Variants in POU6F2 observed in about 807,000 individuals in gnomAD.
The protein encoded by POU6F2 is POU class 6 homeobox 2.
Under a neutral mutation model 71.3 loss-of-function variants are expected in POU6F2, and 31 were observed. The observed-to-expected ratio is 0.43, with a 90% CI of 0.33 to 0.59. POU6F2 has a LOEUF of 0.59. Among genes scored for constraint, POU6F2 ranks in the 20% least tolerant of loss-of-function variants. The pLI is 0.04. For missense variants in POU6F2, 783 were observed against 856.8 expected (o/e 0.91, Z 1.07); for synonymous variants, 347 against 355.7 (o/e 0.98, Z 0.27).
chr7:39,064,496 A>G (rs1394836195), intron 1 of POU6F2, among the ~76,000 whole-genome samples: 3 of 151,894 alleles, frequency 2.0e-5, no homozygotes, highest in Non-Finnish European at 4.4e-5. Flanking sequence ...TGAGACGCAT[A>G]AAGAAACAAA....
chr7:39,400,897 C>T (rs1462760970), intron 5 of POU6F2, among the ~76,000 whole-genome samples: 1 of 152,140 alleles, frequency 6.6e-6, no homozygotes, highest in African/African-American at 2.4e-5. Context: ...CCTTGTCATA[C>T]AGCCATGAAA....
intron 7 of POU6F2, among the ~76,000 whole-genome samples, chr7:39,433,682 G>T (rs2116034335): frequency 6.6e-6 from 1 of 152,328 alleles, no homozygotes. Flanking sequence ...AGGTGCTGCT[G>T]CTGAAACCAC....
intron 4 of POU6F2, among the ~76,000 whole-genome samples, chr7:39,211,627 C>G (rs1054453351): frequency 9.9e-5 from 15 of 152,174 alleles, no homozygotes; most frequent in African/African-American, 3.6e-4. Context: ...GTGATGAGTT[C>G]TTATTGTAAG....
Position 38,998,341 on chromosome 7 carries a change from A to G in POU6F2, c.105+20283A>G, listed in dbSNP as rs367700029. ...GGTACATTCTAGTTTCAGCTGTCCT[A>G]TGCGATTAAAGTGTACTTGAGTGAA... On this transcript the variant is annotated intron_variant, in intron 1 of 9. Transcript: ENST00000518318. 2.4e-4 allele frequency among the ~76,000 whole-genome samples: 37 copies of G among 152,294 alleles called. No homozygotes were observed. The East Asian group carries it at 3.9e-3, about 16-fold the overall frequency.
chr7:39,243,320 T>C (rs906277459), intron 4 of POU6F2, among the ~76,000 whole-genome samples: 4 of 152,108 alleles, frequency 2.6e-5, no homozygotes, highest in African/African-American at 9.7e-5. Context: ...CAAGGACCAC[T>C]AAATACAGGC....
chr7:39,332,564 G>A (rs1785677522), intron 4 of POU6F2, among the ~76,000 whole-genome samples: 1 of 152,196 alleles, frequency 6.6e-6, no homozygotes, highest in African/African-American at 2.4e-5. Context: ...AGTTGAGTTA[G>A]CAATAGAATT....
chr7:39,206,987 C>G (rs1794025746), intron 3 of POU6F2, among the ~76,000 whole-genome samples: 1 of 152,092 alleles, frequency 6.6e-6, no homozygotes, highest in African/African-American at 2.4e-5. Flanking sequence ...ATTTAAAAGT[C>G]AAAAGTAGTA....
rs750015951 is a variant in POU6F2 at position 39,086,004 on chromosome 7, A to C, written c.250A>C (p.Ser84Arg). The change falls in exon 2 of 10, where the codon AGC becomes CGC. Residue 84 changes from serine (S) to arginine (R), a missense_variant. By Grantham distance (110) the Ser-to-Arg change is moderately radical. Around this residue, in one of 2 missense-constraint regions of POU6F2, gnomAD observed 572 missense variants for 572.9 expected, o/e 1.00. Coordinates refer to ENST00000518318, the MANE Select transcript of POU6F2 (RefSeq NM_001370959.1). ...PLLAPVESND[S>R]EDTPSKLFGA... ...GCTTGCGCCTGTGGAATCAAATGAC[A>C]GCGAGGACACTCCCAGCAAGCTCTT... The C allele has an allele frequency of 2.5e-6, 4 of 1,613,740 alleles. No individual in the cohort carries two copies. Among genetic ancestry groups the C allele is most frequent in the South Asian group, 1.1e-5 (1 of 91,072 alleles).
intron 7 of POU6F2, among the ~76,000 whole-genome samples, chr7:39,434,038 AGACTGTCCTGT>A (rs1788171498): frequency 6.6e-6 from 1 of 152,230 alleles, no homozygotes; most frequent in African/African-American, 2.4e-5. Context: ...AGTAGAGCAG[AGACTGTCCTGT>A]GACAGGGCAG....
intron 6 of POU6F2, among the ~76,000 whole-genome samples, chr7:39,414,259 G>T (rs1247886883): frequency 6.6e-6 from 1 of 152,170 alleles, no homozygotes; most frequent in Non-Finnish European, 1.5e-5. Context: ...TTGCAACCGG[G>T]GCTTCGCGGT....
chr7:39,085,148 C>G (rs1026483785), intron 1 of POU6F2: 1 of 151,924 alleles, frequency 6.6e-6, no homozygotes, highest in Non-Finnish European at 1.5e-5. Context: ...TTTCCCAATT[C>G]CTTAAAAAAA....
intron 1 of POU6F2, among the ~76,000 whole-genome samples, chr7:38,992,415 T>G (rs1788628799): frequency 6.6e-6 from 1 of 152,220 alleles, no homozygotes; most frequent in Admixed American, 6.5e-5. Context: ...CACGTTTAAT[T>G]TAAGCAGCCA....
chr7:39,268,935 C>T (rs141709585), intron 4 of POU6F2, among the ~76,000 whole-genome samples: 1 of 152,120 alleles, frequency 6.6e-6, no homozygotes, highest in South Asian at 2.1e-4. Flanking sequence ...CTCCTGGATC[C>T]CTCTGATTAA....
At position 39,433,282 on chromosome 7, in the gene POU6F2, A is replaced by C. The variant is rs1788155108; in HGVS notation, c.1319A>C (p.Gln440Pro). Residue 440 changes from glutamine (Q) to proline (P), a missense_variant and splice_region_variant, in exon 7 of 10, where the codon CAG (glutamine) becomes CCG (proline). By Grantham distance (76) the Gln-to-Pro change is moderately conservative. Transcript: ENST00000518318. ...ITLSPIKPGQQLHQPSQTSVG... is the reference protein window; with the variant it reads ...ITLSPIKPGQPLHQPSQTSVG... ...CTGTCACCCATCAAGCCCGGCCAGCAGGTAAATGTTCCAGGCCAAGGCAGC... is the reference window on the plus strand; with the variant it reads ...CTGTCACCCATCAAGCCCGGCCAGCCGGTAAATGTTCCAGGCCAAGGCAGC... 1 of 1,613,848 alleles carries C rather than the reference A, an allele frequency of 6.2e-7. No homozygotes were observed. Among genetic ancestry groups the C allele is most frequent in the African/African-American group, 1.3e-5 (1 of 74,940 alleles).
chr7:38,980,330 G>A (rs1788285889), intron 1 of POU6F2, among the ~76,000 whole-genome samples: 1 of 152,052 alleles, frequency 6.6e-6, no homozygotes, highest in Non-Finnish European at 1.5e-5. Context: ...GAAACAGTAA[G>A]TATTTAAAAG....
chr7:39,115,933 T>G (rs1031929277), intron 2 of POU6F2, among the ~76,000 whole-genome samples: 1 of 152,236 alleles, frequency 6.6e-6, no homozygotes, highest in Non-Finnish European at 1.5e-5. Flanking sequence ...TTGAGTACTT[T>G]ACTCTCATTT....
At chr7:39,218,470 C>A (rs1400503670) in intron 4 of POU6F2, among the ~76,000 whole-genome samples, 1 of 152,150 alleles carries the variant, frequency 6.6e-6, no homozygotes, top group South Asian at 2.1e-4. Flanking sequence ...GTGTGTAATT[C>A]TTGCAGGGTA....
rs35489723 is a variant in POU6F2 at position 39,299,806 on chromosome 7, G to T, written c.599-39836G>T. On this transcript the variant is annotated intron_variant, in intron 4 of 9. Coordinates refer to ENST00000518318, the MANE Select transcript of POU6F2 (RefSeq NM_001370959.1). Reference sequence around the variant, plus strand: ...AAGGTCCCTCAGGCAGGAAAGGCTCGGGAGAATTCTCAGCCAGGGAAAAAG... The same window carrying T: ...AAGGTCCCTCAGGCAGGAAAGGCTCTGGAGAATTCTCAGCCAGGGAAAAAG... Among the ~76,000 whole-genome samples the T allele has an allele frequency of 2.6e-5, 4 of 151,976 alleles. 1 individual carries two copies. The highest frequency in any genetic ancestry group is 4.1e-4 in the South Asian group (2 of 4,824).
chr7:39,133,783 C>A (rs1259189460), intron 2 of POU6F2, among the ~76,000 whole-genome samples: 1 of 152,210 alleles, frequency 6.6e-6, no homozygotes, highest in Non-Finnish European at 1.5e-5. Context: ...ACATAGACCA[C>A]AATGTACAGC....
Sources: gnomAD v4.1 joint callset for allele counts (sites outside exome capture counted in the v4.1 genomes callset) on GRCh38, gnomAD v4.1.1 for gene constraint, gnomAD v4.1.1 regional missense constraint, MANE v1.5 for transcripts, NCBI Gene and HGNC (gene_info 2026-07-23, HGNC 2026-07-21) for gene names.